The following BMP4 variants were observed in gnomAD, a reference collection of about 807,000 sequenced individuals.
BMP4 encodes bone morphogenetic protein 2B.
Under a neutral mutation model 29.6 loss-of-function variants are expected in BMP4, and 3 were observed. The observed-to-expected ratio is 0.10, with a 90% CI of 0.05 to 0.26. The LOEUF is 0.26. BMP4 is among the 10% of genes least tolerant of loss of function. BMP4 has a pLI of 1.00. For missense variants in BMP4, 455 were observed against 550.2 expected (o/e 0.83, Z 1.73); for synonymous variants, 197 against 213.2 (o/e 0.92, Z 0.66).
In BMP4 at chr14:53,949,915, G is replaced by C; in HGVS notation, c.*117C>G. 1.0e-6 allele frequency: 1 copy of C among 967,954 alleles called. No homozygotes were observed. Among genetic ancestry groups the C allele is most frequent in the East Asian group, 2.7e-5 (1 of 36,948 alleles). 60.0% of individuals were successfully genotyped at this position (967,954 alleles called of 1,614,324 possible). A position where few individuals can be genotyped will look rare whatever the true frequency, so the allele number is the denominator to read the frequency against. On this transcript the variant is annotated 3_prime_UTR_variant, in exon 4 of 4. Coordinates refer to ENST00000245451, the MANE Select transcript of BMP4 (RefSeq NM_001202.6). ...TTTTTTTTTTTTAAATAAAAGTCCA[G>C]CTATAAGGAAGCAGTCTGTGTAGTG...
Position 53,951,905 on chromosome 14 carries a change from A to T in BMP4, c.318T>A (p.Tyr106Ter). Residue 106 changes from tyrosine (Y) to a stop codon, truncating the protein, a stop_gained, in exon 3 of 4, where the codon TAT (tyrosine) becomes TAA (stop). Transcript: ENST00000245451. LOFTEE classifies it high-confidence loss of function. ...EEQIHSTGLE[Y>*]PERPASRANT... is the part of the protein sequence containing the mutation. ...TGGCCCGGCTGGCCGGGCGCTCAGG[A>T]TACTCAAGACCAGTGCTGTGGATCT... 1 of 1,602,430 alleles carries T rather than the reference A, an allele frequency of 6.2e-7. No homozygotes were observed.
In BMP4 at chr14:53,956,563, A is replaced by G. The variant is rs73267467; in HGVS notation, c.-146T>C. 2,183 of 399,278 alleles carry G rather than the reference A, an allele frequency of 5.5e-3. 32 individuals carry two copies. Among genetic ancestry groups the G allele is most frequent in the African/African-American group, 0.041 (1,979 of 48,716 alleles). 24.7% of individuals were successfully genotyped at this position (399,278 alleles called of 1,614,324 possible). A position where few individuals can be genotyped will look rare whatever the true frequency, so the allele number is the denominator to read the frequency against. Reference sequence around the variant, plus strand: ...AGCCTTGCTCACCATAGGTCCCTGCAGTAGCGGGCTCGCCAGCAGCAGCTC... The same window carrying G: ...AGCCTTGCTCACCATAGGTCCCTGCGGTAGCGGGCTCGCCAGCAGCAGCTC... On this transcript the variant is annotated 5_prime_UTR_variant, in exon 1 of 4. Transcript: ENST00000245451.
At chr14:53,953,675 C>A (rs1224387328) in intron 1 of BMP4, among the ~76,000 whole-genome samples, 1 of 151,960 alleles carries the variant, frequency 6.6e-6, no homozygotes, top group Non-Finnish European at 1.5e-5. Flanking sequence ...GGCCGCCGCG[C>A]TCCCAGGGCT....
chr14:53,953,516 C>G, intron 1 of BMP4, 116 bp from the exon 2 acceptor site: 1 of 394,830 alleles, frequency 2.5e-6, no homozygotes, highest in Non-Finnish European at 4.5e-6. Context: ...GGCGAAAGGG[C>G]TTGCGCGCCC....
Position 53,949,757 on chromosome 14 carries a change from C to A in BMP4, c.*275G>T, listed in dbSNP as rs1895268529. 3 of 342,724 alleles carry A rather than the reference C, an allele frequency of 8.8e-6. No homozygotes were observed. The highest frequency in any genetic ancestry group is 2.1e-5 in the African/African-American group (1 of 47,458). The allele number at this position is 342,724 out of a possible 1,614,324, so 21.2% of individuals were successfully genotyped here. A position where few individuals can be genotyped will look rare whatever the true frequency, so the allele number is the denominator to read the frequency against. ...ATGATTTACCTTTAAAATAATGACT[C>A]ATTTTATTTTTTTCTTTTAATACGT... On this transcript the variant is annotated 3_prime_UTR_variant, in exon 4 of 4. Transcript: ENST00000245451.
Position 53,949,838 on chromosome 14 carries a change from G to T in BMP4, c.*194C>A. ...ATCAATATGGTCAAAACATTTGCAC[G>T]TAAAGTCATAAATAAGGTCAAGGTG... On this transcript the variant is annotated 3_prime_UTR_variant, in exon 4 of 4. Transcript: ENST00000245451. 1 of 584,074 alleles carries T rather than the reference G, an allele frequency of 1.7e-6. No homozygotes were observed. Among genetic ancestry groups the T allele is most frequent in the East Asian group, 2.9e-5 (1 of 34,992 alleles). 36.2% of individuals were successfully genotyped at this position (584,074 alleles called of 1,614,324 possible). A position where few individuals can be genotyped will look rare whatever the true frequency, so the allele number is the denominator to read the frequency against.
Position 53,955,029 on chromosome 14 carries a change from G to C in BMP4, c.-133+1521C>G, listed in dbSNP as rs184130184. Among the ~76,000 whole-genome samples the C allele has an allele frequency of 2.1e-4, 32 of 152,322 alleles. No homozygotes were observed. Among genetic ancestry groups the C allele is most frequent in the African/African-American group, 6.5e-4 (27 of 41,582 alleles). ...GGAGTCGACCAACACCTCAGGTCCG[G>C]GTGCGGAGGCCGCGGGCGCCCCTGC... On this transcript the variant is annotated intron_variant, in intron 1 of 3. Transcript: ENST00000245451. This position sits in a 1 kb window ranked among gnomAD's most constrained non-coding sequence, Gnocchi z 4.0.
chr14:53,951,819 C>T (rs1346331466), intron 3 of BMP4, 34 bp downstream of exon 3: 2 of 1,596,762 alleles, frequency 1.3e-6, no homozygotes, highest in African/African-American at 1.3e-5. Context: ...GTCCCACCAG[C>T]CCTCCCCCAC....
Position 53,950,421 on chromosome 14 carries a change from G to C in BMP4, c.838C>G (p.Arg280Gly), listed in dbSNP as rs566882530. The C allele has an allele frequency of 1.9e-6, 3 of 1,613,876 alleles. No individual in the cohort carries two copies. Among genetic ancestry groups the C allele is most frequent in the Non-Finnish European group, 2.5e-6 (3 of 1,179,986 alleles). Residue 280 changes from arginine (R) to glycine (G), a missense_variant, in exon 4 of 4, where the codon CGG (arginine) becomes GGG (glycine). Arg to Gly is a moderately radical substitution (Grantham distance 125). Transcript: ENST00000245451. The surrounding 1 kb of genome is among the most constrained non-coding windows in gnomAD (Gnocchi z 5.4). Reference protein sequence around the residue: ...PLLVTFGHDGRGHALTRRRRA... With the variant: ...PLLVTFGHDGGGHALTRRRRA... ...CGGCGTCGGGTCAAGGCATGGCCCCGGCCATCATGGCCAAAGGTGACCAGG... is the reference window on the plus strand; with the variant it reads ...CGGCGTCGGGTCAAGGCATGGCCCCCGCCATCATGGCCAAAGGTGACCAGG...
At position 53,952,246 on chromosome 14, in the gene BMP4, G is replaced by T. The variant is rs760697228; in HGVS notation, c.-7-17C>A. On this transcript the variant is annotated splice_polypyrimidine_tract_variant and intron_variant, in intron 2 of 3. Transcript: ENST00000245451. ...ATGGTGTCTCTGGGGAGGGGGAGGG[G>T]AGTGGAAGGTTAAAGAATAAATAAA... 5.6e-6 allele frequency: 9 copies of T among 1,612,510 alleles called. No homozygotes were observed. The highest frequency in any genetic ancestry group is 7.6e-6 in the Non-Finnish European group (9 of 1,179,400).
chr14:53,951,024 A>C (rs1895379618), intron 3 of BMP4, 136 bp from the exon 4 acceptor site: 3 of 1,216,194 alleles, frequency 2.5e-6, no homozygotes, highest in Middle Eastern at 2.6e-4. Flanking sequence ...ACTGGGGGAA[A>C]ATAAGCATAC....
At chr14:53,952,912 T>C (rs536417365) in intron 2 of BMP4, among the ~76,000 whole-genome samples, 1 of 152,216 alleles carries the variant, frequency 6.6e-6, no homozygotes, top group South Asian at 2.1e-4. Context: ...CGGAGAGACC[T>C]CTGTGAGTTT....
chr14:53,955,756 G>A lies in BMP4; in HGVS notation c.-133+794C>T, dbSNP rs972309163. 1 of 152,200 alleles carries A rather than the reference G, an allele frequency of 6.6e-6. No homozygotes were observed. The highest frequency in any genetic ancestry group is 2.4e-5 in the African/African-American group (1 of 41,424). 9.4% of individuals were successfully genotyped at this position (152,200 alleles called of 1,614,324 possible). ...GGAATCACGGGAACCTTTCCCGTCGGTTCCGGGCCTGGAGGGCCAGGAAGA... is the reference window on the plus strand; with the variant it reads ...GGAATCACGGGAACCTTTCCCGTCGATTCCGGGCCTGGAGGGCCAGGAAGA... On this transcript the variant is annotated intron_variant, in intron 1 of 3. Transcript: ENST00000245451. The surrounding 1 kb of genome is among the most constrained non-coding windows in gnomAD (Gnocchi z 4.0).
chr14:53,951,817 AGCCCTCCCCCAC>A, intron 3 of BMP4, 24 bp downstream of exon 3: 1 of 1,596,496 alleles, frequency 6.3e-7, no homozygotes, highest in Non-Finnish European at 8.5e-7. Context: ...CAGTCCCACC[AGCCCTCCCCCAC>A]GCAGACTGGG....
chr14:53,951,615 C>T (rs1895414290), intron 3 of BMP4: 4 of 594,776 alleles, frequency 6.7e-6, no homozygotes, highest in African/African-American at 1.9e-5. Context: ...AAACACACCG[C>T]TGGGGCTAGC....
In BMP4 at chr14:53,949,883, CTTTTTTT is replaced by C; in HGVS notation, c.*142_*148del. On this transcript the variant is annotated 3_prime_UTR_variant, in exon 4 of 4. Transcript: ENST00000245451. ...AAGGTGAATGTTTAGGGATTTTTTC[CTTTTTTT>C]TTTTTTTTTTTAAATAAAAGTCCAG... is the stretch of plus-strand genomic sequence containing the variant. 4.7e-6 allele frequency: 3 copies of C among 643,742 alleles called. No individual in the cohort carries two copies. Among genetic ancestry groups the C allele is most frequent in the Admixed American group, 3.6e-5 (1 of 28,092 alleles). 39.9% of individuals were successfully genotyped at this position (643,742 alleles called of 1,614,324 possible). A position where few individuals can be genotyped will look rare whatever the true frequency, so the allele number is the denominator to read the frequency against.
chr14:53,953,506 G>T (rs1895560659), intron 1 of BMP4, 106 bp from the exon 2 acceptor site: 1 of 395,400 alleles, frequency 2.5e-6, no homozygotes. Flanking sequence ...CGCGGCAGGC[G>T]GCGAAAGGGC....
rs954247081 is a variant in BMP4, at chr14:53,949,961, C to CGT, written c.*69_*70dup. On this transcript the variant is annotated 3_prime_UTR_variant, in exon 4 of 4. Coordinates refer to ENST00000245451, the MANE Select transcript of BMP4 (RefSeq NM_001202.6). ...TAGTGTGTGGGTGAGTGGATGGGAA[C>CGT]GTGTGTGTGTGGTGTATGTGGTGTG... is the stretch of plus-strand genomic sequence containing the variant. 1.8e-5 allele frequency: 27 copies of CGT among 1,517,730 alleles called. No homozygotes were observed. Among genetic ancestry groups the CGT allele is most frequent in the East Asian group, 2.3e-5 (1 of 43,726 alleles). 94.0% of individuals were successfully genotyped at this position (1,517,730 alleles called of 1,614,324 possible). A position where few individuals can be genotyped will look rare whatever the true frequency, so the allele number is the denominator to read the frequency against.
At position 53,950,271 on chromosome 14, in the gene BMP4, G is replaced by T. The variant is rs1895307806; in HGVS notation, c.988C>A (p.Pro330Thr). 3 of 1,614,134 alleles carry T rather than the reference G, an allele frequency of 1.9e-6. No individual in the cohort carries two copies. Among genetic ancestry groups the T allele is most frequent in the Middle Eastern group, 1.6e-4 (1 of 6,084 alleles). Residue 330 changes from proline to threonine, a missense_variant, in exon 4 of 4, where the codon CCA becomes ACA. Physicochemically the swap from Pro to Thr is conservative, Grantham distance 38. Around this residue, in one of 4 missense-constraint regions of BMP4, gnomAD observed 154 missense variants for 156.8 expected, o/e 0.98. Transcript: ENST00000245451. The surrounding 1 kb of genome is among the most constrained non-coding windows in gnomAD (Gnocchi z 5.4). ...TGGCAGTAGAAGGCCTGGTAGCCTG[G>T]TGGGGCCACAATCCAGTCATTCCAG... ...VGWNDWIVAP[P>T]GYQAFYCHGD... is the part of the protein sequence containing the mutation.
Sources: gnomAD v4.1 joint callset for allele counts (sites outside exome capture counted in the v4.1 genomes callset) on GRCh38, gnomAD v4.1.1 for gene constraint, gnomAD v4.1.1 regional missense constraint, Gnocchi (gnomAD v3.1) non-coding constraint, MANE v1.5 for transcripts, NCBI Gene and HGNC (gene_info 2026-07-23, HGNC 2026-07-21) for gene names.